Variants in MEGF8 observed in about 807,000 individuals in gnomAD.
The protein encoded by MEGF8 is multiple EGF like domains 8, also known as multiple epidermal growth factor-like domains protein 8.
MEGF8 carries 156 observed loss-of-function variants against 302.9 expected under a neutral mutation model. The ratio of observed to expected loss-of-function variants is 0.52; its 90% confidence interval spans 0.45 to 0.59. MEGF8 has a LOEUF of 0.59. Among genes scored for constraint, MEGF8 ranks in the 20% least tolerant of loss-of-function variants. MEGF8 has a pLI of 0.00. For synonymous variants in MEGF8, 1,621 were observed against 1,660.5 expected, an observed-to-expected ratio of 0.98 and a Z score of 0.58; for missense variants, 3,345 against 3,964.5, an observed-to-expected ratio of 0.84 and a Z score of 4.20.
At chr19:42,365,557 G>A (rs1173487029) in intron 35 of MEGF8, among the ~76,000 whole-genome samples, 3 of 150,868 alleles carry the variant, frequency 2.0e-5, no homozygotes. Flanking sequence ...CTTGAGGCCA[G>A]GAGTTCGAGA....
rs895416455 is a variant in MEGF8, at chr19:42,344,283, G to A, written c.1789-158G>A. Among the ~76,000 whole-genome samples the A allele has an allele frequency of 4.1e-5, 4 of 98,548 alleles. No individual in the cohort carries two copies. Among genetic ancestry groups the A allele is most frequent in the East Asian group, 3.0e-4 (1 of 3,300 alleles). 64.7% of individuals were successfully genotyped at this position (98,548 alleles called of 152,430 possible). A position where few individuals can be genotyped will look rare whatever the true frequency, so the allele number is the denominator to read the frequency against. Reference sequence around the variant, plus strand: ...CTTTTGAGCCCGTGACCCCATCCCCGCATCCCCCGTCCTCTGGATCTCCCA... The same window carrying A: ...CTTTTGAGCCCGTGACCCCATCCCCACATCCCCCGTCCTCTGGATCTCCCA... On this transcript the variant is annotated intron_variant, in intron 10 of 41. Coordinates refer to ENST00000251268, the MANE Select transcript of MEGF8 (RefSeq NM_001271938.2). This position sits in a 1 kb window ranked among gnomAD's most constrained non-coding sequence, Gnocchi z 4.5.
chr19:42,359,364 G>C, intron 31 of MEGF8, 122 bp downstream of exon 31: 1 of 868,666 alleles, frequency 1.2e-6, no homozygotes, highest in Non-Finnish European at 1.6e-6. Flanking sequence ...CAGAGCTCCC[G>C]CTCTTCTGGA....
rs770165316 is a variant in MEGF8, at chr19:42,344,577, C to T, written c.1925C>T (p.Pro642Leu). Residue 642 changes from proline (P) to leucine (L), a missense_variant, in exon 11 of 42, where the codon CCT becomes CTT. Coordinates refer to ENST00000251268, the MANE Select transcript of MEGF8 (RefSeq NM_001271938.2). This position sits in a 1 kb window ranked among gnomAD's most constrained non-coding sequence, Gnocchi z 4.5. ...TGCGTGCACAATGAGAGCTGCCTCC[C>T]TAGGCCTGGTGAGTGTCCGCAGCAG... ...GWCVHNESCLPRPEQARCRGE... is the reference protein window; with the variant it reads ...GWCVHNESCLLRPEQARCRGE... The T allele has an allele frequency of 6.3e-7, 1 of 1,594,482 alleles. No individual in the cohort carries two copies. Among genetic ancestry groups the T allele is most frequent in the Non-Finnish European group, 8.5e-7 (1 of 1,172,810 alleles).
chr19:42,343,879 G>T, intron 9 of MEGF8, 75 bp from the exon 10 acceptor site: 1 of 1,541,654 alleles, frequency 6.5e-7, no homozygotes. Flanking sequence ...CGGGGACTTG[G>T]GAGGCCGGCC....
chr19:42,377,010 G>T lies in MEGF8; in HGVS notation c.*235G>T, dbSNP rs1032757842. 2.0e-5 allele frequency: 9 copies of T among 453,452 alleles called. No individual in the cohort carries two copies. The highest frequency in any genetic ancestry group is 1.2e-4 in the Admixed American group (3 of 25,588). The allele number at this position is 453,452 out of a possible 1,614,324, so 28.1% of individuals were successfully genotyped here. ...GGCAAAGCAGGAACCAAGAGACGAG[G>T]TTCCCTGATCTCATGGGACTTAGGT... On this transcript the variant is annotated 3_prime_UTR_variant, in exon 42 of 42. Transcript: ENST00000251268.
In MEGF8 at chr19:42,353,598, T is replaced by G. The variant is rs1160525072; in HGVS notation, c.3684T>G (p.Ser1228Arg). 5 of 1,593,384 alleles carry G rather than the reference T, an allele frequency of 3.1e-6. No homozygotes were observed. In the African/African-American group the frequency reaches 6.7e-5, roughly 21 times the overall value. ...DPRRGHCDNL[S>R]GLCFCQDHTE... The stretch of plus-strand genomic sequence containing the variant: ...GCCGTGGCCACTGCGACAACCTCAG[T>G]GGGCTCTGCTTCTGCCAGGACCACA... Residue 1228 changes from serine to arginine, a missense_variant, in exon 21 of 42, where the codon AGT becomes AGG. Ser to Arg is a moderately radical substitution (Grantham distance 110). Coordinates refer to ENST00000251268, the MANE Select transcript of MEGF8 (RefSeq NM_001271938.2). The surrounding 1 kb of genome is among the most constrained non-coding windows in gnomAD (Gnocchi z 6.1).
chr19:42,356,529 G>T lies in MEGF8; in HGVS notation c.4622+76G>T, dbSNP rs2039455310. 8.1e-7 allele frequency: 1 copy of T among 1,234,050 alleles called. No individual in the cohort carries two copies. Among genetic ancestry groups the T allele is most frequent in the Non-Finnish European group, 1.1e-6 (1 of 902,016 alleles). 76.4% of individuals were successfully genotyped at this position (1,234,050 alleles called of 1,614,324 possible). On this transcript the variant is annotated intron_variant, in intron 26 of 41. Coordinates refer to ENST00000251268, the MANE Select transcript of MEGF8 (RefSeq NM_001271938.2). The surrounding 1 kb of genome is among the most constrained non-coding windows in gnomAD (Gnocchi z 5.2). ...CGGGATGCTAAGAGTCACCTCAGAGGAGTGCAGAAAAGCCTCTAAGGTAAA... is the reference window on the plus strand; with the variant it reads ...CGGGATGCTAAGAGTCACCTCAGAGTAGTGCAGAAAAGCCTCTAAGGTAAA...
chr19:42,363,385 A>G (rs961351276), intron 35 of MEGF8, 123 bp downstream of exon 35: 2 of 853,888 alleles, frequency 2.3e-6, no homozygotes, highest in Non-Finnish European at 3.7e-6. Context: ...CCCTGGCTCT[A>G]GCTGCAGTCG....
rs943546288 is a variant in MEGF8 at position 42,352,917 on chromosome 19, C to T, written c.3351-11C>T. Reference sequence around the variant, plus strand: ...CCTGGCGCTTTCCCCACCCCCAACACGGCCCCTCAGGTGCTTGGAGGACTG... The same window carrying T: ...CCTGGCGCTTTCCCCACCCCCAACATGGCCCCTCAGGTGCTTGGAGGACTG... On this transcript the variant is annotated splice_polypyrimidine_tract_variant and intron_variant, in intron 19 of 41. Transcript: ENST00000251268. This position sits in a 1 kb window ranked among gnomAD's most constrained non-coding sequence, Gnocchi z 4.4. 21 of 1,577,920 alleles carry T rather than the reference C, an allele frequency of 1.3e-5. No individual in the cohort carries two copies. Among genetic ancestry groups the T allele is most frequent in the Admixed American group, 7.3e-5 (4 of 55,016 alleles).
chr19:42,366,143 A>G (rs1420711312), intron 35 of MEGF8, among the ~76,000 whole-genome samples: 1 of 152,224 alleles, frequency 6.6e-6, no homozygotes, highest in Non-Finnish European at 1.5e-5. Flanking sequence ...ATAGGCGTGC[A>G]GGTGATACCT....
chr19:42,345,519 A>G (rs560240474), intron 12 of MEGF8, among the ~76,000 whole-genome samples: 28 of 152,272 alleles, frequency 1.8e-4, no homozygotes, highest in Admixed American at 1.4e-3. Flanking sequence ...TGGACATTTC[A>G]TGTACATGGA....
Position 42,352,843 on chromosome 19 carries a change from G to A in MEGF8, c.3351-85G>A, listed in dbSNP as rs2039396276. 2.0e-6 allele frequency: 2 copies of A among 1,016,082 alleles called. No homozygotes were observed. The highest frequency in any genetic ancestry group is 3.0e-5 in the South Asian group (2 of 66,154). The allele number at this position is 1,016,082 out of a possible 1,614,324, so 62.9% of individuals were successfully genotyped here. ...ATGGAAACAGCCAGTGGCTTTGATGGTGTCATGGTGGGTGGAGATGATGGG... is the reference window on the plus strand; with the variant it reads ...ATGGAAACAGCCAGTGGCTTTGATGATGTCATGGTGGGTGGAGATGATGGG... On this transcript the variant is annotated intron_variant, in intron 19 of 41. Transcript: ENST00000251268. The surrounding 1 kb of genome is among the most constrained non-coding windows in gnomAD (Gnocchi z 4.4).
intron 8 of MEGF8, among the ~76,000 whole-genome samples, chr19:42,338,235 G>GT (rs557395356): frequency 4.4e-4 from 65 of 147,342 alleles, no homozygotes; most frequent in Admixed American, 6.1e-4. Flanking sequence ...CAACAGGTAG[G>GT]TTTTTTTTTT....
intron 3 of MEGF8, 60 bp downstream of exon 3, chr19:42,334,273 G>T (rs974723129): frequency 4.1e-5 from 60 of 1,449,694 alleles, no homozygotes; most frequent in Admixed American, 1.5e-4. Context: ...CAGCCTCCAC[G>T]CCCATCTCCT....
chr19:42,358,953 A>G lies in MEGF8; in HGVS notation c.5342A>G (p.Glu1781Gly). The change falls in exon 30 of 42, where the codon GAG (glutamate) becomes GGG (glycine). Residue 1781 changes from glutamate to glycine, a missense_variant and splice_region_variant. Coordinates refer to ENST00000251268, the MANE Select transcript of MEGF8 (RefSeq NM_001271938.2). The surrounding 1 kb of genome is among the most constrained non-coding windows in gnomAD (Gnocchi z 4.4). ...FLEEISPHLK[E>G]PRPRLFHASA... is the part of the protein sequence containing the mutation. ...GAGGAAATCTCACCTCACCTGAAGG[A>G]GGTGAGATTTGAAGAGGGTTAGGAT... is the stretch of plus-strand genomic sequence containing the variant. 1 of 1,605,330 alleles carries G rather than the reference A, an allele frequency of 6.2e-7. No homozygotes were observed.
rs1448017761 is a variant in MEGF8 at position 42,354,131 on chromosome 19, T to G, written c.4011+107T>G. The G allele has an allele frequency of 2.2e-6, 3 of 1,354,868 alleles. No homozygotes were observed. The highest frequency in any genetic ancestry group is 3.1e-5 in the South Asian group (2 of 65,090). 83.9% of individuals were successfully genotyped at this position (1,354,868 alleles called of 1,614,324 possible). A position where few individuals can be genotyped will look rare whatever the true frequency, so the allele number is the denominator to read the frequency against. On this transcript the variant is annotated intron_variant, in intron 22 of 41. Coordinates refer to ENST00000251268, the MANE Select transcript of MEGF8 (RefSeq NM_001271938.2). The surrounding 1 kb of genome is among the most constrained non-coding windows in gnomAD (Gnocchi z 4.3). The stretch of plus-strand genomic sequence containing the variant: ...CCTAGTATTGCTGTTTTTTTTTTTT[T>G]GTTTTTTTAATCCTTCAAAACCCAA...
rs113983707 is a variant in MEGF8, at chr19:42,358,808, C to T, written c.5197C>T (p.Arg1733Cys). 2.1e-5 allele frequency: 33 copies of T among 1,580,540 alleles called. No homozygotes were observed. Among genetic ancestry groups the T allele is most frequent in the African/African-American group, 8.1e-5 (6 of 74,026 alleles). Residue 1733 changes from arginine to cysteine, a missense_variant, in exon 30 of 42, where the codon CGT (arginine) becomes TGT (cysteine). Arg to Cys is a radical substitution (Grantham distance 180). Transcript: ENST00000251268. The surrounding 1 kb of genome is among the most constrained non-coding windows in gnomAD (Gnocchi z 4.4). ...GAKRDRMRNVRGSSRGLGQVP... is the reference protein window; with the variant it reads ...GAKRDRMRNVCGSSRGLGQVP... ...CTAGCGAGATCGTATGAGGAATGTGCGTGGCTCATCTCGGGGTCTGGGCCA... is the reference window on the plus strand; with the variant it reads ...CTAGCGAGATCGTATGAGGAATGTGTGTGGCTCATCTCGGGGTCTGGGCCA...
At chr19:42,338,634 C>T (rs1236076412) in intron 8 of MEGF8, among the ~76,000 whole-genome samples, 3 of 152,104 alleles carry the variant, frequency 2.0e-5, no homozygotes, top group East Asian at 1.9e-4. Flanking sequence ...CCTGTACACT[C>T]GATGTTTTGT....
chr19:42,355,797 C>G lies in MEGF8; in HGVS notation c.4184C>G (p.Ser1395Cys). ...CACTGGGAGGCCAATGGCTCCTCAT[C>G]CTGGGGCTTCAATGCTTCGGTGGGC... ...VLHWEANGSS[S>C]WGFNASVGSA... Residue 1395 changes from serine (S) to cysteine (C), a missense_variant, in exon 24 of 42, where the codon TCC (serine) becomes TGC (cysteine). Physicochemically the swap from Ser to Cys is moderately radical, Grantham distance 112. Coordinates refer to ENST00000251268, the MANE Select transcript of MEGF8 (RefSeq NM_001271938.2). The G allele has an allele frequency of 6.3e-7, 1 of 1,580,284 alleles. No homozygotes were observed. The highest frequency in any genetic ancestry group is 1.2e-5 in the South Asian group (1 of 86,576).
Sources: gnomAD v4.1 joint callset for allele counts (sites outside exome capture counted in the v4.1 genomes callset) on GRCh38, gnomAD v4.1.1 for gene constraint, Gnocchi (gnomAD v3.1) non-coding constraint, MANE v1.5 for transcripts, NCBI Gene and HGNC (gene_info 2026-07-23, HGNC 2026-07-21) for gene names.